PSD3: variants seen among roughly 807,000 people sequenced by gnomAD.
The protein encoded by PSD3 is pleckstrin and Sec7 domain containing 3, also known as PH and SEC7 domain-containing protein 3.
In PSD3, 49 loss-of-function variants were observed where a neutral mutation model predicts 105.5. The observed-to-expected ratio is 0.46, with a 90% CI of 0.37 to 0.59. The LOEUF (loss-of-function observed/expected upper bound fraction) is 0.59. Among genes scored for constraint, PSD3 ranks in the 20% least tolerant of loss-of-function variants. The pLI, the probability that PSD3 is intolerant of heterozygous loss-of-function variation, is 0.00. For synonymous variants in PSD3, 557 were observed against 457.8 expected (o/e 1.22, Z -2.77); for missense variants, 1,561 against 1,263.8 (o/e 1.24, Z -3.57).
chr8:18,593,850 C>T (rs1803799315), intron 12 of PSD3, among the ~76,000 whole-genome samples: 3 of 150,944 alleles, frequency 2.0e-5, no homozygotes, highest in South Asian at 2.1e-4. Flanking sequence ...TGGAAACCAT[C>T]ATTCTCAGCA....
chr8:18,606,721 A>G (rs9644611), intron 11 of PSD3, among the ~76,000 whole-genome samples: 6,207 of 152,224 alleles, frequency 0.041, 326 homozygotes, highest in East Asian at 0.22. Flanking sequence ...AGGTGAGATA[A>G]GAGAAAAAGG....
At chr8:18,723,174 C>T (rs1803117316) in intron 9 of PSD3, among the ~76,000 whole-genome samples, 1 of 152,148 alleles carries the variant, frequency 6.6e-6, no homozygotes, top group African/African-American at 2.4e-5. Context: ...GTGGGCAGTG[C>T]ATGAACCCAG....
intron 9 of PSD3, among the ~76,000 whole-genome samples, chr8:18,664,599 T>C (rs992950548): frequency 6.6e-6 from 1 of 152,228 alleles, no homozygotes; most frequent in African/African-American, 2.4e-5. Flanking sequence ...CTGCAGCAAG[T>C]TATCCAGAAG....
intron 9 of PSD3, among the ~76,000 whole-genome samples, chr8:18,738,921 T>TA (rs1241490683): frequency 6.6e-6 from 1 of 152,058 alleles, no homozygotes; most frequent in African/African-American, 2.4e-5. Context: ...TTCTGAAATG[T>TA]ACCTTTTAAT....
In PSD3 at chr8:18,655,632, GC is replaced by G. The variant is rs1183212628; in HGVS notation, c.2216+9del. 1 of 1,613,014 alleles carries G rather than the reference GC, an allele frequency of 6.2e-7. No individual in the cohort carries two copies. Among genetic ancestry groups the G allele is most frequent in the East Asian group, 2.2e-5 (1 of 44,866 alleles). On this transcript the variant is annotated intron_variant, in intron 10 of 15. Transcript: ENST00000327040. ...TTCATTATTAAAAGGCTGACGTCCA[GC>G]ACACTTACACTGCCCATTCAAGCTT...
chr8:18,765,295 G>C (rs113379249), intron 9 of PSD3, among the ~76,000 whole-genome samples, 154 bp downstream of exon 9: 2 of 152,070 alleles, frequency 1.3e-5, no homozygotes, highest in Non-Finnish European at 1.5e-5. Context: ...TTTGCAGCAC[G>C]AAAAATCAAG....
chr8:18,955,756 TTTTA>T (rs150325859), intron 1 of PSD3, among the ~76,000 whole-genome samples: 9 of 149,628 alleles, frequency 6.0e-5, no homozygotes, highest in Admixed American at 2.7e-4. Flanking sequence ...TCTTAGCATA[TTTTA>T]TTTATTTATT....
chr8:18,960,881 T>G (rs1823869920), intron 1 of PSD3, among the ~76,000 whole-genome samples: 1 of 152,078 alleles, frequency 6.6e-6, no homozygotes, highest in Non-Finnish European at 1.5e-5. Context: ...GCACAGGAGT[T>G]TGAGATCAGC....
intron 1 of PSD3, among the ~76,000 whole-genome samples, chr8:18,975,768 G>A (rs1368659771): frequency 1.3e-5 from 2 of 151,906 alleles, no homozygotes; most frequent in Non-Finnish European, 2.9e-5. Flanking sequence ...AATTCACAAA[G>A]GAAGAAATAC....
chr8:18,783,284 G>C (rs1173294286), intron 8 of PSD3, among the ~76,000 whole-genome samples: 3 of 152,116 alleles, frequency 2.0e-5, no homozygotes, highest in Non-Finnish European at 2.9e-5. Flanking sequence ...ACTTACAGTA[G>C]TTACTTCCAT....
chr8:18,923,797 T>C (rs900862536), intron 2 of PSD3, among the ~76,000 whole-genome samples: 2 of 151,984 alleles, frequency 1.3e-5, no homozygotes, highest in Non-Finnish European at 2.9e-5. Context: ...CAGTGTTAGA[T>C]GTGATGTCCA....
At chr8:18,550,086 C>A (rs1276474760) in intron 15 of PSD3, among the ~76,000 whole-genome samples, 3 of 152,124 alleles carry the variant, frequency 2.0e-5, no homozygotes, top group African/African-American at 7.2e-5. Flanking sequence ...AAGATAATAC[C>A]TTTACCCAAT....
At position 18,871,907 on chromosome 8, in the gene PSD3, A is replaced by G; in HGVS notation, c.957T>C (p.Pro319=). Residue 319 remains proline (P), a synonymous_variant, in exon 3 of 16, where the codon CCT becomes CCC. Transcript: ENST00000327040. ...TTTGCAGTGATGTCTCAAAATCTAT[A>G]GGATGCTGGGTCTCTCTCTTGTCTC... ...TGGDKRETQH[P]IDFETSLQRT... is the part of the protein sequence containing the mutation. 3 of 1,614,224 alleles carry G rather than the reference A, an allele frequency of 1.9e-6. No homozygotes were observed. The highest frequency in any genetic ancestry group is 2.5e-6 in the Non-Finnish European group (3 of 1,180,032).
chr8:18,646,629 A>G (rs1017645417), intron 10 of PSD3, among the ~76,000 whole-genome samples: 19 of 152,158 alleles, frequency 1.2e-4, no homozygotes, highest in African/African-American at 4.3e-4. Context: ...AAAGGCGACA[A>G]ATTATATTAA....
chr8:18,736,119 T>C (rs1343611665), intron 9 of PSD3, among the ~76,000 whole-genome samples: 1 of 152,146 alleles, frequency 6.6e-6, no homozygotes, highest in Non-Finnish European at 1.5e-5. Context: ...AGTTTACCTA[T>C]TTAAGTATAA....
chr8:18,714,554 G>A (rs1026423141), intron 9 of PSD3, among the ~76,000 whole-genome samples: 32 of 152,026 alleles, frequency 2.1e-4, no homozygotes, highest in African/African-American at 7.7e-4. Flanking sequence ...AGTCATTAGA[G>A]AAATGCAAAT....
intron 4 of PSD3, among the ~76,000 whole-genome samples, chr8:18,848,376 G>A (rs1222661309): frequency 1.3e-5 from 2 of 152,210 alleles, no homozygotes; most frequent in Non-Finnish European, 2.9e-5. Flanking sequence ...CCTAGCATCT[G>A]CAGATGGATC....
chr8:18,761,276 G>T (rs1806513243), intron 9 of PSD3, among the ~76,000 whole-genome samples: 1 of 152,142 alleles, frequency 6.6e-6, no homozygotes. Context: ...AAAGCAGCAA[G>T]CTAAAAAGGG....
intron 4 of PSD3, among the ~76,000 whole-genome samples, chr8:18,835,881 G>A (rs920996756): frequency 1.3e-5 from 2 of 150,726 alleles, no homozygotes; most frequent in South Asian, 4.2e-4. Flanking sequence ...CGGTGTAGAT[G>A]GGGGGGCGGA....
Sources: gnomAD v4.1 joint callset for allele counts (sites outside exome capture counted in the v4.1 genomes callset) on GRCh38, gnomAD v4.1.1 for gene constraint, MANE v1.5 for transcripts, NCBI Gene and HGNC (gene_info 2026-07-23, HGNC 2026-07-21) for gene names.